Variants in CIPC observed in about 807,000 individuals in gnomAD.
The protein encoded by CIPC is CLOCK-interacting pacemaker.
A neutral mutation model predicts 26.7 loss-of-function variants in CIPC; 12 were observed. That is an observed-to-expected ratio of 0.45 (90% CI 0.29 to 0.73). The LOEUF (loss-of-function observed/expected upper bound fraction) is 0.73. CIPC is among the 30% of genes least tolerant of loss of function. The pLI is 0.12. For missense variants in CIPC, 417 were observed against 486.5 expected (o/e 0.86, Z 1.34); for synonymous variants, 170 against 189.8 (o/e 0.90, Z 0.86).
At chr14:77,103,196 C>T (rs1452693708) in intron 1 of CIPC, among the ~76,000 whole-genome samples, 1 of 152,182 alleles carries the variant, frequency 6.6e-6, no homozygotes, top group African/African-American at 2.4e-5. Context: ...TCATTCAGTT[C>T]AGTTTGTGTT....
intron 1 of CIPC, among the ~76,000 whole-genome samples, chr14:77,100,668 A>G (rs1022616144): frequency 2.0e-5 from 3 of 151,608 alleles, no homozygotes; most frequent in Admixed American, 6.6e-5. Flanking sequence ...TCCCAGGTTC[A>G]AGGGATTCTC....
Position 77,105,783 on chromosome 14 carries a change from G to C in CIPC, c.75G>C (p.Lys25Asn), listed in dbSNP as rs778063251. 3.7e-6 allele frequency: 6 copies of C among 1,614,204 alleles called. No homozygotes were observed. In the Admixed American group the frequency reaches 1.0e-4, roughly 27 times the overall value. The stretch of plus-strand genomic sequence containing the variant: ...AAGTAGGCAAAGGCACAGAGATGAA[G>C]AAAGTGGCTCGTCAGCTTGGGATGG... ...SAKVGKGTEM[K>N]KVARQLGMAA... The change falls in exon 2 of 4, where the codon AAG becomes AAC. Residue 25 changes from lysine to asparagine, a missense_variant. Lys to Asn is a moderately conservative substitution (Grantham distance 94, BLOSUM62 0). Transcript: ENST00000361786.
chr14:77,103,298 C>T (rs1246577227), intron 1 of CIPC, among the ~76,000 whole-genome samples: 1 of 152,122 alleles, frequency 6.6e-6, no homozygotes, highest in African/African-American at 2.4e-5. Context: ...TTTTGAACTG[C>T]TTCTAGGGTA....
chr14:77,100,520 G>C (rs1364843715), intron 1 of CIPC, among the ~76,000 whole-genome samples: 1 of 150,098 alleles, frequency 6.7e-6, no homozygotes, highest in Non-Finnish European at 1.5e-5. Context: ...TGGGATTATA[G>C]ACGTGAGCCA....
intron 2 of CIPC, among the ~76,000 whole-genome samples, chr14:77,107,116 T>C (rs1886605223): frequency 6.6e-6 from 1 of 152,274 alleles, no homozygotes; most frequent in South Asian, 2.1e-4. Flanking sequence ...ACTGGAGGCC[T>C]AGTGCCTCTT....
intron 1 of CIPC, among the ~76,000 whole-genome samples, chr14:77,101,386 A>G (rs1222996528): frequency 2.6e-5 from 4 of 152,202 alleles, no homozygotes; most frequent in Non-Finnish European, 5.9e-5. Flanking sequence ...CCTGGCTGCA[A>G]TGCTAAGGCT....
At chr14:77,106,170 C>G (rs1313704652) in intron 2 of CIPC, 1 of 178,432 alleles carries the variant, frequency 5.6e-6, no homozygotes, top group Non-Finnish European at 1.2e-5. Flanking sequence ...GGAATTATTA[C>G]ATTGTAGGGG....
At chr14:77,109,782 G>A (rs1457112758) in intron 2 of CIPC, 30 bp from the exon 3 acceptor site, 1 of 1,596,336 alleles carries the variant, frequency 6.3e-7, no homozygotes, top group African/African-American at 1.3e-5. Flanking sequence ...TCTAGAGCCT[G>A]AGTGAGTTGA....
intron 2 of CIPC, among the ~76,000 whole-genome samples, chr14:77,109,578 A>G (rs1344125930): frequency 1.3e-5 from 2 of 152,232 alleles, no homozygotes; most frequent in Admixed American, 6.5e-5. Context: ...AGAGAGTTAG[A>G]AAGGAAGTCA....
chr14:77,110,939 C>T (rs1185312843), intron 3 of CIPC, among the ~76,000 whole-genome samples: 1 of 152,146 alleles, frequency 6.6e-6, no homozygotes, highest in Non-Finnish European at 1.5e-5. Flanking sequence ...ATGAGGAACA[C>T]AAACTGATTT....
chr14:77,103,184 T>A (rs1886525575), intron 1 of CIPC, among the ~76,000 whole-genome samples: 1 of 152,222 alleles, frequency 6.6e-6, no homozygotes, highest in African/African-American at 2.4e-5. Context: ...TAAAATTCAT[T>A]CTCATTCAGT....
rs1225009244 is a variant in CIPC at position 77,114,119 on chromosome 14, T to C, written c.1001T>C (p.Leu334Ser). 3.1e-6 allele frequency: 5 copies of C among 1,613,966 alleles called. No homozygotes were observed. In the African/African-American group the frequency reaches 6.7e-5, roughly 22 times the overall value. ...AAATCTGGTTTGCTGGAGATCACTT[T>C]GAAAACCAAGGAGTTGATTCGTCAG... ...LHKSGLLEIT[L>S]KTKELIRQNQ... Residue 334 changes from leucine (L) to serine (S), a missense_variant, in exon 4 of 4, where the codon TTG (leucine) becomes TCG (serine). By Grantham distance (145) the Leu-to-Ser change is moderately radical (BLOSUM62 -2). Transcript: ENST00000361786.
chr14:77,108,575 C>T (rs1021227017), intron 2 of CIPC, among the ~76,000 whole-genome samples: 1 of 151,982 alleles, frequency 6.6e-6, no homozygotes, highest in Non-Finnish European at 1.5e-5. Context: ...CCTGTAATCC[C>T]AGCTGCTCGG....
intron 1 of CIPC, among the ~76,000 whole-genome samples, chr14:77,100,522 C>T (rs113106908): frequency 5.9e-4 from 89 of 149,722 alleles, no homozygotes; most frequent in South Asian, 1.9e-3. Context: ...GGATTATAGA[C>T]GTGAGCCACC....
chr14:77,112,135 C>T (rs577268657), intron 3 of CIPC, among the ~76,000 whole-genome samples: 149 of 152,220 alleles, frequency 9.8e-4, no homozygotes, highest in Non-Finnish European at 1.8e-3. Flanking sequence ...GAAGACAGTT[C>T]GTAATGTTCT....
rs1886733695 is a variant in CIPC at position 77,112,931 on chromosome 14, C to CG, written c.307-493dup. 5.9e-5 allele frequency among the ~76,000 whole-genome samples: 9 copies of CG among 152,196 alleles called. No homozygotes were observed. In the South Asian group the frequency reaches 1.9e-3, roughly 32 times the overall value. The stretch of plus-strand genomic sequence containing the variant: ...TTTCACACGTTGGCCAGGCTGGTCT[C>CG]GAACTCCTGACCTCAGGTGATCCAC... On this transcript the variant is annotated intron_variant, in intron 3 of 3. Transcript: ENST00000361786.
At chr14:77,111,961 C>T (rs1264023780) in intron 3 of CIPC, among the ~76,000 whole-genome samples, 2 of 152,192 alleles carry the variant, frequency 1.3e-5, no homozygotes, top group Non-Finnish European at 2.9e-5. Flanking sequence ...TGGTTTCTGG[C>T]CCTAGCATTG....
chr14:77,111,602 A>G (rs550552694), intron 3 of CIPC, among the ~76,000 whole-genome samples: 1 of 152,302 alleles, frequency 6.6e-6, no homozygotes, highest in African/African-American at 2.4e-5. Flanking sequence ...CAGTTTCTTC[A>G]TCTTTAATAT....
intron 2 of CIPC, 33 bp from the exon 3 acceptor site, chr14:77,109,779 C>T: frequency 6.3e-7 from 1 of 1,592,960 alleles, no homozygotes; most frequent in Middle Eastern, 1.7e-4. Context: ...TAGTCTAGAG[C>T]CTGAGTGAGT....
Sources: gnomAD v4.1 joint callset for allele counts (sites outside exome capture counted in the v4.1 genomes callset) on GRCh38, gnomAD v4.1.1 for gene constraint, MANE v1.5 for transcripts, NCBI Gene and HGNC (gene_info 2026-07-23, HGNC 2026-07-21) for gene names.